PTPRD: variants seen among roughly 807,000 people sequenced by gnomAD.
PTPRD encodes the protein protein tyrosine phosphatase receptor type D.
In PTPRD, 34 loss-of-function variants were observed where a neutral mutation model predicts 214.5. The observed-to-expected ratio is 0.16, with a 90% CI of 0.12 to 0.21. The LOEUF (loss-of-function observed/expected upper bound fraction) is 0.21, where lower values mean the gene tolerates loss of function less well. PTPRD is among the 10% of genes least tolerant of loss of function. The pLI is 1.00. For missense variants in PTPRD, 2,545 were observed against 2,398.7 expected, an observed-to-expected ratio of 1.06 and a Z score of -1.27; for synonymous variants, 1,128 against 845.7, an observed-to-expected ratio of 1.33 and a Z score of -5.79.
At chr9:9,902,349 G>A (rs2076601790) in intron 5 of PTPRD, among the ~76,000 whole-genome samples, 1 of 152,054 alleles carries the variant, frequency 6.6e-6, no homozygotes, top group Non-Finnish European at 1.5e-5. Context: ...AAGAATTTTA[G>A]TTTCCCATAC....
chr9:9,845,386 C>A (rs1021714556), intron 5 of PTPRD, among the ~76,000 whole-genome samples: 1 of 151,610 alleles, frequency 6.6e-6, no homozygotes, highest in Non-Finnish European at 1.5e-5. Context: ...ATAAGGCACA[C>A]ATTTGAAGGC....
intron 7 of PTPRD, among the ~76,000 whole-genome samples, chr9:9,615,422 A>T (rs980808849): frequency 6.6e-6 from 1 of 152,080 alleles, no homozygotes; most frequent in Admixed American, 6.5e-5. Context: ...ACCAGTAAAC[A>T]TCTCTGCTCT....
At chr9:9,993,928 T>A (rs954013450) in intron 4 of PTPRD, among the ~76,000 whole-genome samples, 4 of 152,202 alleles carry the variant, frequency 2.6e-5, no homozygotes, top group Admixed American at 1.3e-4. Flanking sequence ...GTATAAACCA[T>A]CTTTTAGAGT....
In PTPRD at chr9:9,275,122, T is replaced by C. The variant is rs1944746312; in HGVS notation, c.-202-91759A>G. On this transcript the variant is annotated intron_variant, in intron 9 of 45. Coordinates refer to ENST00000381196, the MANE Select transcript of PTPRD (RefSeq NM_002839.4). ...TATATAATATATTATATATATATTA[T>C]ATATATTATATATAATATATATATA... 5.2e-5 allele frequency among the ~76,000 whole-genome samples: 3 copies of C among 57,874 alleles called. 1 individual carries two copies. Among genetic ancestry groups the C allele is most frequent in the African/African-American group, 2.0e-4 (3 of 14,638 alleles). The allele number at this position is 57,874 out of a possible 152,430, so 38.0% of individuals were successfully genotyped here.
intron 3 of PTPRD, among the ~76,000 whole-genome samples, chr9:10,131,230 G>C (rs1011300333): frequency 6.6e-6 from 1 of 152,106 alleles, no homozygotes; most frequent in African/African-American, 2.4e-5. Context: ...CAATTAGAGA[G>C]TCAAAGCTCT....
chr9:9,270,034 T>C (rs1942167690), intron 9 of PTPRD, among the ~76,000 whole-genome samples: 2 of 150,726 alleles, frequency 1.3e-5, no homozygotes, highest in Admixed American at 1.3e-4. Flanking sequence ...AACATGTTAA[T>C]AATGTGTTAT....
chr9:8,863,920 T>C (rs2098150458), intron 11 of PTPRD, among the ~76,000 whole-genome samples: 1 of 152,218 alleles, frequency 6.6e-6, no homozygotes, highest in Non-Finnish European at 1.5e-5. Flanking sequence ...TTAGTGTTTG[T>C]ATCTTAGGTA....
At chr9:8,830,092 T>C (rs1410069078) in intron 11 of PTPRD, among the ~76,000 whole-genome samples, 1 of 152,168 alleles carries the variant, frequency 6.6e-6, no homozygotes, top group Non-Finnish European at 1.5e-5. Flanking sequence ...CTTACATTTA[T>C]TAACTCTTTT....
chr9:8,831,115 T>C (rs927291827), intron 11 of PTPRD, among the ~76,000 whole-genome samples: 3 of 152,138 alleles, frequency 2.0e-5, no homozygotes, highest in Non-Finnish European at 2.9e-5. Context: ...GCAGACAAGA[T>C]GACTGAGACT....
intron 9 of PTPRD, among the ~76,000 whole-genome samples, chr9:9,254,163 G>A (rs559631313): frequency 1.3e-5 from 2 of 152,048 alleles, no homozygotes; most frequent in Non-Finnish European, 2.9e-5. Context: ...GATATTAATA[G>A]GCTCCAGGGA....
intron 5 of PTPRD, among the ~76,000 whole-genome samples, chr9:9,918,118 G>C (rs772423785): frequency 5.3e-5 from 8 of 151,892 alleles, no homozygotes; most frequent in Non-Finnish European, 1.0e-4. Context: ...CAAATTATCT[G>C]TACCTAGATG....
intron 7 of PTPRD, among the ~76,000 whole-genome samples, chr9:9,619,724 C>T (rs1185587500): frequency 1.4e-4 from 20 of 142,738 alleles, no homozygotes; most frequent in Middle Eastern, 3.8e-3. Context: ...TATATATAAT[C>T]GTGTATTTAA....
intron 3 of PTPRD, among the ~76,000 whole-genome samples, chr9:10,235,369 G>A (rs1294069726): frequency 6.6e-6 from 1 of 151,898 alleles, no homozygotes; most frequent in East Asian, 1.9e-4. Flanking sequence ...TCATCACTGT[G>A]TTCCATTTAC....
chr9:8,764,714 G>C (rs1368779595), intron 11 of PTPRD, among the ~76,000 whole-genome samples: 1 of 151,930 alleles, frequency 6.6e-6, no homozygotes, highest in Non-Finnish European at 1.5e-5. Context: ...AGAGTTGTTT[G>C]AACCCGGGAG....
At chr9:8,753,270 T>C (rs1164197263) in intron 11 of PTPRD, among the ~76,000 whole-genome samples, 1 of 152,232 alleles carries the variant, frequency 6.6e-6, no homozygotes. Flanking sequence ...TGAAGCATGA[T>C]GTTCCTTTCT....
chr9:8,459,868 G>C (rs190629664), intron 33 of PTPRD, among the ~76,000 whole-genome samples: 71 of 152,178 alleles, frequency 4.7e-4, no homozygotes, highest in Admixed American at 3.5e-3. Context: ...AGAAAATTGG[G>C]AGACGATTCA....
rs1301850611 is a variant in PTPRD at position 8,929,765 on chromosome 9, A to ATG, written c.-104+88930_-104+88931dup. ...TATGTGTATATATATATGTATATAT[A>ATG]TGTGTATATATATGGGTGTGTATAT... On this transcript the variant is annotated intron_variant, in intron 11 of 45. Coordinates refer to ENST00000381196, the MANE Select transcript of PTPRD (RefSeq NM_002839.4). 2.9e-3 allele frequency among the ~76,000 whole-genome samples: 139 copies of ATG among 48,120 alleles called. 5 individuals carry two copies. Among genetic ancestry groups the ATG allele is most frequent in the East Asian group, 0.025 (17 of 682 alleles). 31.6% of individuals were successfully genotyped at this position (48,120 alleles called of 152,430 possible).
At chr9:9,256,618 C>T (rs1594675277) in intron 9 of PTPRD, among the ~76,000 whole-genome samples, 1 of 151,940 alleles carries the variant, frequency 6.6e-6, no homozygotes, top group Admixed American at 6.6e-5. Context: ...ATCCAGGATT[C>T]CTGTGTCCTA....
At chr9:8,891,846 G>A (rs2098542479) in intron 11 of PTPRD, among the ~76,000 whole-genome samples, 1 of 152,108 alleles carries the variant, frequency 6.6e-6, no homozygotes. Context: ...GGGAATCCCA[G>A]CAGTCGTGGA....
Sources: gnomAD v4.1 joint callset for allele counts (sites outside exome capture counted in the v4.1 genomes callset) on GRCh38, gnomAD v4.1.1 for gene constraint, MANE v1.5 for transcripts, NCBI Gene and HGNC (gene_info 2026-07-23, HGNC 2026-07-21) for gene names.